The following ALK variants were observed in gnomAD, a reference collection of about 807,000 sequenced individuals.
ALK encodes the protein ALK tyrosine kinase receptor.
In ALK, 74 loss-of-function variants were observed where a neutral mutation model predicts 163.1. That is an observed-to-expected ratio of 0.45 (90% CI 0.38 to 0.55). The LOEUF (loss-of-function observed/expected upper bound fraction) is 0.55. Among genes scored for constraint, ALK ranks in the 20% least tolerant of loss-of-function variants. The pLI is 0.00. For synonymous variants in ALK, 960 were observed against 843.2 expected, an observed-to-expected ratio of 1.14 and a Z score of -2.40; for missense variants, 2,063 against 2,105.3, an observed-to-expected ratio of 0.98 and a Z score of 0.39.
chr2:29,582,415 T>C (rs779337753), intron 3 of ALK, among the ~76,000 whole-genome samples: 1 of 152,192 alleles, frequency 6.6e-6, no homozygotes, highest in Non-Finnish European at 1.5e-5. Flanking sequence ...CAGGAGCTCA[T>C]AGGACCAGTC....
intron 1 of ALK, among the ~76,000 whole-genome samples, chr2:29,876,214 A>G (rs1666700571): frequency 6.6e-6 from 1 of 152,246 alleles, no homozygotes; most frequent in African/African-American, 2.4e-5. Flanking sequence ...GGATTAAAGG[A>G]AATAATACAA....
intron 5 of ALK, among the ~76,000 whole-genome samples, chr2:29,363,259 TC>T (rs2148287874): frequency 6.6e-6 from 1 of 152,346 alleles, no homozygotes; most frequent in East Asian, 1.9e-4. Flanking sequence ...TGGGAATGTC[TC>T]TTCTCTGGAA....
At chr2:29,497,743 A>T (rs922608800) in intron 4 of ALK, among the ~76,000 whole-genome samples, 2 of 152,138 alleles carry the variant, frequency 1.3e-5, no homozygotes, top group African/African-American at 2.4e-5. Flanking sequence ...TCAACAAATC[A>T]TATTGTTTCG....
chr2:29,413,746 T>C (rs1325833883), intron 4 of ALK, among the ~76,000 whole-genome samples: 1 of 152,152 alleles, frequency 6.6e-6, no homozygotes, highest in Admixed American at 6.5e-5. Flanking sequence ...TTGGCCAGGC[T>C]GGTCTCGAAC....
At chr2:29,514,777 A>G (rs1433311618) in intron 4 of ALK, among the ~76,000 whole-genome samples, 8 of 152,040 alleles carry the variant, frequency 5.3e-5, no homozygotes, top group African/African-American at 1.9e-4. Flanking sequence ...AATCCTGCCC[A>G]TTGTCTCTTG....
At position 29,474,970 on chromosome 2, in the gene ALK, G is replaced by C. The variant is rs78262897; in HGVS notation, c.1154+56945C>G. On this transcript the variant is annotated intron_variant, in intron 4 of 28. Transcript: ENST00000389048. ...GGGCCCAGGCACTGGTGTTCACTTT[G>C]AAGAGAGGAGTTAGGGAACCCCTTG... Among the ~76,000 whole-genome samples the C allele has an allele frequency of 8.2e-3, 1,256 of 152,296 alleles. 21 individuals are homozygous for C. Among genetic ancestry groups the C allele is most frequent in the African/African-American group, 0.029 (1,198 of 41,552 alleles).
chr2:29,614,121 G>C (rs1675773376), intron 3 of ALK, among the ~76,000 whole-genome samples: 1 of 152,112 alleles, frequency 6.6e-6, no homozygotes. Context: ...CGTTCCCCAG[G>C]CTCCTTTCCC....
rs542884987 is a variant in ALK, at chr2:29,526,109, C to A, written c.1154+5806G>T. Reference sequence around the variant, plus strand: ...TCTCTTCCTGCCCACTCTCCCATGACCCTGAGCAGCCTGAGAGGAGAGTGT... The same window carrying A: ...TCTCTTCCTGCCCACTCTCCCATGAACCTGAGCAGCCTGAGAGGAGAGTGT... On this transcript the variant is annotated intron_variant, in intron 4 of 28. Coordinates refer to ENST00000389048, the MANE Select transcript of ALK (RefSeq NM_004304.5). Among the ~76,000 whole-genome samples the A allele has an allele frequency of 1.9e-4, 29 of 152,278 alleles. No homozygotes were observed. In the South Asian group the frequency reaches 5.6e-3, roughly 29 times the overall value.
chr2:29,227,445 G>C lies in ALK; in HGVS notation c.2914+129C>G, dbSNP rs1664039499. On this transcript the variant is annotated intron_variant, in intron 17 of 28. Coordinates refer to ENST00000389048, the MANE Select transcript of ALK (RefSeq NM_004304.5). This position sits in a 1 kb window ranked among gnomAD's most constrained non-coding sequence, Gnocchi z 4.4. ...GAAAATGTGGTGACCTGCGCCATAGGAAGCTTGCCTGCCAGGGACCCATAA... is the reference window on the plus strand; with the variant it reads ...GAAAATGTGGTGACCTGCGCCATAGCAAGCTTGCCTGCCAGGGACCCATAA... 1 of 869,504 alleles carries C rather than the reference G, an allele frequency of 1.2e-6. No individual in the cohort carries two copies. Among genetic ancestry groups the C allele is most frequent in the Admixed American group, 1.7e-5 (1 of 57,670 alleles). 53.9% of individuals were successfully genotyped at this position (869,504 alleles called of 1,614,324 possible). A position where few individuals can be genotyped will look rare whatever the true frequency, so the allele number is the denominator to read the frequency against.
chr2:29,516,762 A>G (rs1249282775), intron 4 of ALK, among the ~76,000 whole-genome samples: 1 of 152,254 alleles, frequency 6.6e-6, no homozygotes, highest in African/African-American at 2.4e-5. Flanking sequence ...ATGGGTAAAG[A>G]TAGGTAAAGG....
chr2:29,858,799 G>A (rs1463238917), intron 1 of ALK, among the ~76,000 whole-genome samples: 3 of 151,740 alleles, frequency 2.0e-5, no homozygotes, highest in Non-Finnish European at 4.4e-5. Context: ...AGCACTTTGG[G>A]AGGCTGAGGC....
intron 5 of ALK, among the ~76,000 whole-genome samples, chr2:29,332,975 A>T (rs1028086022): frequency 1.3e-5 from 2 of 152,236 alleles, no homozygotes; most frequent in African/African-American, 4.8e-5. Context: ...ACTCTTCACC[A>T]GCTGTGTTCA....
At chr2:29,855,865 T>C (rs755284313) in intron 1 of ALK, among the ~76,000 whole-genome samples, 1 of 152,248 alleles carries the variant, frequency 6.6e-6, no homozygotes, top group Non-Finnish European at 1.5e-5. Flanking sequence ...TAATTTGCTA[T>C]GTCTATAGAA....
At chr2:29,577,435 G>C (rs895945431) in intron 3 of ALK, among the ~76,000 whole-genome samples, 4 of 152,224 alleles carry the variant, frequency 2.6e-5, no homozygotes, top group African/African-American at 9.7e-5. Context: ...CGAGCAGTCT[G>C]AATGGTGGGA....
intron 3 of ALK, among the ~76,000 whole-genome samples, chr2:29,577,874 T>G (rs775737450): frequency 6.6e-6 from 1 of 152,226 alleles, no homozygotes; most frequent in Admixed American, 6.5e-5. Flanking sequence ...TTTTGCAGGA[T>G]ATGGTCTTCA....
At chr2:29,211,841 T>C (rs376419300) in intron 24 of ALK, among the ~76,000 whole-genome samples, 8 of 152,254 alleles carry the variant, frequency 5.3e-5, no homozygotes, top group African/African-American at 1.9e-4. Flanking sequence ...GATTTGGTGT[T>C]TGACAATTTA....
At chr2:29,662,540 A>G (rs1343344612) in intron 3 of ALK, among the ~76,000 whole-genome samples, 3 of 152,196 alleles carry the variant, frequency 2.0e-5, no homozygotes, top group Non-Finnish European at 4.4e-5. Flanking sequence ...GGAGAGGTGC[A>G]ATAAATACAG....
At chr2:29,540,699 T>C (rs761733736) in intron 3 of ALK, among the ~76,000 whole-genome samples, 7 of 151,998 alleles carry the variant, frequency 4.6e-5, no homozygotes, top group Non-Finnish European at 1.0e-4. Context: ...GTAGACTGAA[T>C]CCTGACTTCT....
chr2:29,904,659 A>T (rs1667493755), intron 1 of ALK, among the ~76,000 whole-genome samples: 1 of 152,206 alleles, frequency 6.6e-6, no homozygotes, highest in Non-Finnish European at 1.5e-5. Flanking sequence ...TTTTACAGAT[A>T]AGGATGCTAA....
Sources: gnomAD v4.1 joint callset for allele counts (sites outside exome capture counted in the v4.1 genomes callset) on GRCh38, gnomAD v4.1.1 for gene constraint, Gnocchi (gnomAD v3.1) non-coding constraint, MANE v1.5 for transcripts, NCBI Gene and HGNC (gene_info 2026-07-23, HGNC 2026-07-21) for gene names.